MAPT: variants seen among roughly 807,000 people sequenced by gnomAD.
The protein encoded by MAPT is microtubule-associated protein tau.
A neutral mutation model predicts 67.9 loss-of-function variants in MAPT; 34 were observed. The ratio of observed to expected loss-of-function variants is 0.50; its 90% CI spans 0.38 to 0.67. The LOEUF (loss-of-function observed/expected upper bound fraction) is 0.67. Ranked by LOEUF, MAPT falls within the 30% of genes least tolerant of loss-of-function variation. MAPT has a pLI of 0.00. For synonymous variants in MAPT, 456 were observed against 464.5 expected, an observed-to-expected ratio of 0.98 and a Z score of 0.23; for missense variants, 881 against 1,115.2, an observed-to-expected ratio of 0.79 and a Z score of 2.99.
At chr17:46,018,466 C>G in intron 11 of MAPT, 152 bp from the exon 12 acceptor site, 1 of 761,730 alleles carries the variant, frequency 1.3e-6, no homozygotes, top group Non-Finnish European at 2.4e-6. Flanking sequence ...GTCTTCTTCC[C>G]TCCAGAGCAG....
intron 8 of MAPT, chr17:45,993,937 C>A: frequency 6.3e-7 from 1 of 1,575,448 alleles, no homozygotes; most frequent in Admixed American, 1.8e-5. Context: ...CTAAGCAAGT[C>A]CAGAGAAGAC....
chr17:45,985,523 CTAAAG>C (rs1468571887), intron 5 of MAPT: 1 of 215,178 alleles, frequency 4.6e-6, no homozygotes, highest in Non-Finnish European at 7.9e-6. Flanking sequence ...AAATAAAAGA[CTAAAG>C]TAAGTTAAAC....
chr17:46,006,931 AAAAATAAAATAAAATAAAATAAT>A (rs1435505358), intron 9 of MAPT, among the ~76,000 whole-genome samples: 1 of 149,944 alleles, frequency 6.7e-6, no homozygotes, highest in Non-Finnish European at 1.5e-5. Flanking sequence ...TCAAAAAAAT[AAAAATAAAATAAAATAAAATAAT>A]AAAATAAAAT....
At chr17:45,903,314 T>TACC in intron 1 of MAPT, among the ~76,000 whole-genome samples, 1 of 152,296 alleles carries the variant, frequency 6.6e-6, no homozygotes, top group South Asian at 2.1e-4. Context: ...ATTTCAGTGG[T>TACC]ACCTGTTTCC....
At chr17:45,901,137 T>G (rs2063583004) in intron 1 of MAPT, among the ~76,000 whole-genome samples, 1 of 152,208 alleles carries the variant, frequency 6.6e-6, no homozygotes, top group Admixed American at 6.5e-5. Context: ...CATGTTTAAA[T>G]GTACACACAG....
At chr17:45,994,720 G>A (rs934995209) in intron 8 of MAPT, among the ~76,000 whole-genome samples, 2 of 152,286 alleles carry the variant, frequency 1.3e-5, no homozygotes, top group East Asian at 3.9e-4. Flanking sequence ...TGCTGGCTGG[G>A]TGCGGTGGCT....
chr17:45,918,682 G>C (rs149154659), intron 1 of MAPT, among the ~76,000 whole-genome samples: 41 of 152,310 alleles, frequency 2.7e-4, no homozygotes, highest in Non-Finnish European at 5.0e-4. Context: ...GTTACAAAGG[G>C]ACTCTTAGTG....
At chr17:46,008,086 A>G (rs909782553) in intron 9 of MAPT, among the ~76,000 whole-genome samples, 1 of 152,222 alleles carries the variant, frequency 6.6e-6, no homozygotes, top group African/African-American at 2.4e-5. Context: ...AGGATATGAT[A>G]TCACTTCTTT....
At chr17:46,000,899 G>A (rs1050481346) in intron 9 of MAPT, among the ~76,000 whole-genome samples, 2 of 152,254 alleles carry the variant, frequency 1.3e-5, no homozygotes, top group Non-Finnish European at 2.9e-5. Flanking sequence ...GGGAGTGGGA[G>A]TGTGTCCAGA....
chr17:45,951,898 A>G (rs111576357), intron 1 of MAPT, among the ~76,000 whole-genome samples: 67 of 151,742 alleles, frequency 4.4e-4, no homozygotes, highest in African/African-American at 1.6e-3. Context: ...AGGAGAAAGG[A>G]AGAGAGAGAG....
At chr17:46,014,929 T>C (rs1042179685) in intron 11 of MAPT, among the ~76,000 whole-genome samples, 3 of 147,650 alleles carry the variant, frequency 2.0e-5, no homozygotes, top group Admixed American at 1.4e-4. Context: ...ATCCAGGAGA[T>C]AGAGAATAGA....
intron 1 of MAPT, among the ~76,000 whole-genome samples, chr17:45,942,516 T>C (rs765429707): frequency 6.6e-6 from 1 of 152,206 alleles, no homozygotes; most frequent in African/African-American, 2.4e-5. Context: ...CCACAGTCTT[T>C]CTTTTGCTTC....
At chr17:45,924,201 C>A (rs1006692669) in intron 1 of MAPT, among the ~76,000 whole-genome samples, 1 of 152,086 alleles carries the variant, frequency 6.6e-6, no homozygotes, top group African/African-American at 2.4e-5. Flanking sequence ...GACTCCCAAC[C>A]CCCTGTCCAA....
At chr17:45,902,044 T>C (rs1435980196) in intron 1 of MAPT, among the ~76,000 whole-genome samples, 2 of 152,144 alleles carry the variant, frequency 1.3e-5, no homozygotes, top group Non-Finnish European at 1.5e-5. Context: ...AGCTTATTCC[T>C]CAGCACTTTT....
chr17:45,951,187 G>A (rs1213985369), intron 1 of MAPT, among the ~76,000 whole-genome samples: 1 of 152,188 alleles, frequency 6.6e-6, no homozygotes, highest in Non-Finnish European at 1.5e-5. Flanking sequence ...TAGATGAGCA[G>A]CTGGGGACTG....
intron 1 of MAPT, among the ~76,000 whole-genome samples, chr17:45,933,840 A>ATTTTT (rs35907411): frequency 7.3e-6 from 1 of 137,804 alleles, no homozygotes; most frequent in African/African-American, 2.7e-5. Context: ...ATGTTTTCTG[A>ATTTTT]TTTTTTTTTT....
At chr17:46,017,545 CT>C (rs1203994758) in intron 11 of MAPT, among the ~76,000 whole-genome samples, 1 of 144,174 alleles carries the variant, frequency 6.9e-6, no homozygotes. Flanking sequence ...CCTCCACCTC[CT>C]GGATTCAAGC....
intron 8 of MAPT, among the ~76,000 whole-genome samples, chr17:45,993,270 G>A (rs760619657): frequency 1.6e-4 from 25 of 152,300 alleles, no homozygotes; most frequent in Admixed American, 7.8e-4. Flanking sequence ...TTGTCTTTTC[G>A]CTTCGTGTTT....
intron 1 of MAPT, among the ~76,000 whole-genome samples, chr17:45,917,687 T>C (rs2065316207): frequency 6.6e-6 from 1 of 152,070 alleles, no homozygotes; most frequent in African/African-American, 2.4e-5. Context: ...TGACAAATGC[T>C]GTATGGGAAG....
Sources: allele counts gnomAD v4.1 joint callset (sites outside exome capture counted in the v4.1 genomes callset), GRCh38; gene constraint gnomAD v4.1.1; transcripts MANE v1.5; gene names NCBI Gene and HGNC (gene_info 2026-07-23, HGNC 2026-07-21).